The following TIAM1 variants were observed in gnomAD, a reference collection of about 807,000 sequenced individuals.
TIAM1 encodes TIAM Rac1 associated GEF 1.
A neutral mutation model predicts 163.5 loss-of-function variants in TIAM1; 65 were observed. That is an observed-to-expected ratio of 0.40 (90% confidence interval 0.33 to 0.49). TIAM1 has a LOEUF of 0.49. Ranked by LOEUF, TIAM1 falls within the 20% of genes least tolerant of loss-of-function variation. TIAM1 has a pLI of 0.77. For synonymous variants in TIAM1, 833 were observed against 810.1 expected (o/e 1.03, Z -0.48); for missense variants, 1,789 against 2,044.7 (o/e 0.87, Z 2.41).
Position 31,473,429 on chromosome 21 carries a change from C to CAA in TIAM1, c.-421-9396_-421-9395dup, listed in dbSNP as rs56691495. On this transcript the variant is annotated intron_variant, in intron 1 of 28. Coordinates refer to the TIAM1 transcript ENST00000286827. ...TGGGGGACAGATCAAGACTCCATCT[C>CAA]AAAAAAAAAAAAAAAAAAAAAAAAA... Among the ~76,000 whole-genome samples, 60 of 75,718 alleles carry CAA rather than the reference C, an allele frequency of 7.9e-4. 8 individuals carry two copies. The highest frequency in any genetic ancestry group is 1.2e-3 in the Non-Finnish European group (45 of 37,242). The allele number at this position is 75,718 out of a possible 152,430, so 49.7% of individuals were successfully genotyped here.
At chr21:31,138,254 A>G (rs971105557) in intron 22 of TIAM1, among the ~76,000 whole-genome samples, 1 of 152,144 alleles carries the variant, frequency 6.6e-6, no homozygotes, top group African/African-American at 2.4e-5. Context: ...AGAGTTTAAC[A>G]TGGGGGTAGG....
In TIAM1 at chr21:31,210,348, C is replaced by T. The variant is rs192370578; in HGVS notation, c.2218-133G>A. ...CAGAAGCGGAGGCAGTGGTGGGAGG[C>T]AGGGGAACCCTTGGAGAGAGAGAAA... On this transcript the variant is annotated intron_variant, in intron 10 of 27. Transcript: ENST00000541036. 38 of 875,940 alleles carry T rather than the reference C, an allele frequency of 4.3e-5. No homozygotes were observed. In the Admixed American group the frequency reaches 5.9e-4, roughly 14 times the overall value. 54.3% of individuals were successfully genotyped at this position (875,940 alleles called of 1,614,324 possible). A position where few individuals can be genotyped will look rare whatever the true frequency, so the allele number is the denominator to read the frequency against.
At position 31,395,095 on chromosome 21, in the gene TIAM1, A is replaced by G. The variant is rs370426367; in HGVS notation, c.-368-55673T>C. Among the ~76,000 whole-genome samples the G allele has an allele frequency of 4.6e-3, 706 of 152,182 alleles. 3 individuals are homozygous for G. Among genetic ancestry groups the G allele is most frequent in the South Asian group, 0.026 (123 of 4,810 alleles). ...TCTACCAAAAATACAAACATTAGCC[A>G]GGCATGGTGGCGCGTGCCTGTAGTC... On this transcript the variant is annotated intron_variant, in intron 2 of 28. Coordinates refer to the TIAM1 transcript ENST00000286827. The surrounding 1 kb of genome is among the most constrained non-coding windows in gnomAD (Gnocchi z 7.5).
At chr21:31,241,324 C>T (rs907197890) in intron 6 of TIAM1, among the ~76,000 whole-genome samples, 3 of 152,084 alleles carry the variant, frequency 2.0e-5, no homozygotes, top group Non-Finnish European at 1.5e-5. Flanking sequence ...CCCTACAGCT[C>T]GGTGAAAGCA....
At chr21:31,381,020 C>T (rs2076770190) in intron 2 of TIAM1, among the ~76,000 whole-genome samples, 2 of 152,176 alleles carry the variant, frequency 1.3e-5, no homozygotes, top group South Asian at 4.1e-4. Context: ...AGCACTCAAA[C>T]AGTAACTTTA....
intron 11 of TIAM1, among the ~76,000 whole-genome samples, chr21:31,206,936 TAC>T (rs142792769): frequency 1.3e-4 from 19 of 151,296 alleles, no homozygotes; most frequent in Non-Finnish European, 2.5e-4. Flanking sequence ...GAAATATGTA[TAC>T]ACACACACAC....
chr21:31,152,055 G>T (rs1358333195), intron 19 of TIAM1, among the ~76,000 whole-genome samples: 2 of 117,544 alleles, frequency 1.7e-5, no homozygotes, highest in Admixed American at 2.2e-4. Flanking sequence ...TTTGTAAGAC[G>T]GAGCCTCGTT....
At chr21:31,511,459 G>A (rs1363074698) in intron 1 of TIAM1, among the ~76,000 whole-genome samples, 1 of 152,132 alleles carries the variant, frequency 6.6e-6, no homozygotes, top group East Asian at 1.9e-4. Context: ...ATCTGACCTT[G>A]GCCAAGACAC....
intron 23 of TIAM1, among the ~76,000 whole-genome samples, chr21:31,131,208 A>G (rs1290458749): frequency 1.3e-5 from 2 of 152,176 alleles, no homozygotes; most frequent in Non-Finnish European, 2.9e-5. Flanking sequence ...CTTTTGCGTA[A>G]AATATGTTAG....
intron 2 of TIAM1, among the ~76,000 whole-genome samples, chr21:31,446,765 T>C (rs2044640474): frequency 6.6e-6 from 1 of 152,170 alleles, no homozygotes; most frequent in Non-Finnish European, 1.5e-5. Context: ...CCAGAGCGTT[T>C]TCGTGCAAAA....
In TIAM1 at chr21:31,242,195, G is replaced by A. The variant is rs555900680; in HGVS notation, c.1584+3293C>T. On this transcript the variant is annotated intron_variant, in intron 6 of 27. Transcript: ENST00000541036. ...TATGAGGCTAATATCACATTAAATAGAGAATATCAATAAGGAAATATAACT... is the reference window on the plus strand; with the variant it reads ...TATGAGGCTAATATCACATTAAATAAAGAATATCAATAAGGAAATATAACT... Among the ~76,000 whole-genome samples the A allele has an allele frequency of 3.9e-5, 6 of 152,252 alleles. No individual in the cohort carries two copies. In the South Asian group the frequency reaches 1.2e-3, roughly 32 times the overall value.
Position 31,153,097 on chromosome 21 carries a change from A to G in TIAM1, c.3209T>C (p.Leu1070Pro). ...CTGGGTGAGAAAAGTTTCTTTTTGA[A>G]GAGGCTTTAGGTATCTCTCCATAAG... ...NCLMERYLKP[L>P]QKETFLTQDE... Residue 1070 changes from leucine to proline, a missense_variant, in exon 18 of 28, where the codon CTT (leucine) becomes CCT (proline). Physicochemically the swap from Leu to Pro is moderately conservative, Grantham distance 98. Around this residue, in one of 5 missense-constraint regions of TIAM1, gnomAD observed 303 missense variants for 321.3 expected, o/e 0.94. Transcript: ENST00000541036. 6.2e-7 allele frequency: 1 copy of G among 1,613,658 alleles called. No homozygotes were observed. Among genetic ancestry groups the G allele is most frequent in the Non-Finnish European group, 8.5e-7 (1 of 1,179,898 alleles).
At chr21:31,314,375 G>A (rs1362431875) in intron 2 of TIAM1, among the ~76,000 whole-genome samples, 3 of 152,198 alleles carry the variant, frequency 2.0e-5, no homozygotes, top group African/African-American at 7.2e-5. Context: ...TATATAAAAT[G>A]TTAGTAAGCC....
At chr21:31,465,997 C>T (rs1229552926) in intron 1 of TIAM1, among the ~76,000 whole-genome samples, 1 of 152,214 alleles carries the variant, frequency 6.6e-6, no homozygotes. Context: ...TGAGCCACGG[C>T]GCCCGGCCTT....
intron 14 of TIAM1, among the ~76,000 whole-genome samples, chr21:31,184,922 T>A (rs149396198): frequency 1.3e-5 from 2 of 152,298 alleles, no homozygotes; most frequent in Non-Finnish European, 2.9e-5. Flanking sequence ...GTTGTGCTTT[T>A]CCAGTGTTTA....
At chr21:31,439,739 T>G (rs991539174) in intron 2 of TIAM1, among the ~76,000 whole-genome samples, 2 of 152,216 alleles carry the variant, frequency 1.3e-5, no homozygotes, top group Non-Finnish European at 2.9e-5. Flanking sequence ...GAAATAGAAC[T>G]TACTTTACCC....
chr21:31,287,716 G>C (rs1369663506), intron 2 of TIAM1, among the ~76,000 whole-genome samples: 1 of 152,204 alleles, frequency 6.6e-6, no homozygotes, highest in Admixed American at 6.5e-5. Context: ...GCGAGTGCAT[G>C]GGAAAAAGCT....
intron 10 of TIAM1, among the ~76,000 whole-genome samples, chr21:31,210,795 A>AAAGGAAGG (rs2086838847): frequency 2.0e-5 from 3 of 148,396 alleles, no homozygotes; most frequent in African/African-American, 7.8e-5. Flanking sequence ...AGAAAGAAAG[A>AAAGGAAGG]AAGAAAGAAA....
chr21:31,410,449 T>A (rs1164421845), intron 2 of TIAM1, among the ~76,000 whole-genome samples: 1 of 151,396 alleles, frequency 6.6e-6, no homozygotes, highest in Non-Finnish European at 1.5e-5. Context: ...TGTGTGAGGG[T>A]GTTACGTATG....
Sources: allele counts gnomAD v4.1 joint callset (sites outside exome capture counted in the v4.1 genomes callset), GRCh38; gene constraint gnomAD v4.1.1; regional missense constraint gnomAD v4.1.1; non-coding constraint Gnocchi (gnomAD v3.1); transcripts MANE v1.5; gene names NCBI Gene and HGNC (gene_info 2026-07-23, HGNC 2026-07-21).